The following MCC variants were observed in gnomAD, a reference collection of about 807,000 sequenced individuals.
MCC encodes the protein MCC regulator of Wnt signaling pathway.
A neutral mutation model predicts 116.2 loss-of-function variants in MCC; 90 were observed. That is an observed-to-expected ratio of 0.77 (90% CI 0.65 to 0.92). The LOEUF is 0.92. Ranked by LOEUF, MCC falls within the 40% of genes least tolerant of loss-of-function variation. The pLI is 0.00. For missense variants in MCC, 1,516 were observed against 1,312.2 expected, an observed-to-expected ratio of 1.16 and a Z score of -2.40; for synonymous variants, 578 against 510.5, an observed-to-expected ratio of 1.13 and a Z score of -1.78.
chr5:113,476,740 G>A (rs915624175), intron 1 of MCC, among the ~76,000 whole-genome samples: 9 of 152,284 alleles, frequency 5.9e-5, no homozygotes, highest in East Asian at 3.9e-4. Flanking sequence ...GCCTAGGGCC[G>A]GAGTGGTTAG....
chr5:113,029,233 C>G (rs180999490), intron 17 of MCC, among the ~76,000 whole-genome samples, 177 bp from the exon 18 acceptor site: 5 of 151,958 alleles, frequency 3.3e-5, no homozygotes, highest in Non-Finnish European at 5.9e-5. Flanking sequence ...AATTCATTCT[C>G]AAATGCAGAT....
chr5:113,374,794 T>G (rs749164492), intron 2 of MCC, among the ~76,000 whole-genome samples: 2 of 151,794 alleles, frequency 1.3e-5, no homozygotes, highest in Non-Finnish European at 2.9e-5. Context: ...AGTTCAAGAC[T>G]AGCCTGGGCA....
At chr5:113,371,456 T>C (rs761128238) in intron 2 of MCC, among the ~76,000 whole-genome samples, 1 of 152,140 alleles carries the variant, frequency 6.6e-6, no homozygotes, top group Non-Finnish European at 1.5e-5. Flanking sequence ...GTCAGATAAA[T>C]CAAAGAAAAC....
intron 3 of MCC, among the ~76,000 whole-genome samples, chr5:113,245,806 A>T (rs1425202915): frequency 6.6e-6 from 1 of 152,186 alleles, no homozygotes; most frequent in Non-Finnish European, 1.5e-5. Flanking sequence ...TCATACTGTG[A>T]CAATTTAAAA....
intron 2 of MCC, among the ~76,000 whole-genome samples, chr5:113,354,439 C>CTTT (rs67121130): frequency 0.6 from 86,879 of 145,944 alleles, 27,142 homozygotes; most frequent in African/African-American, 0.79. Context: ...TTTCCTTTTT[C>CTTT]TTTTTTTTTT....
In MCC at chr5:113,037,142, C is replaced by A. The variant is rs144628062; in HGVS notation, c.2756+6388G>T. Among the ~76,000 whole-genome samples, 351 of 152,344 alleles carry A rather than the reference C, an allele frequency of 2.3e-3. 2 individuals are homozygous for A. Among genetic ancestry groups the A allele is most frequent in the African/African-American group, 8.1e-3 (338 of 41,570 alleles). ...GGGCTCCCTTTTAAAAAGCACCCCA[C>A]CCACTTCCCTTTTCATTTTATCCCA... On this transcript the variant is annotated intron_variant, in intron 17 of 18. Transcript: ENST00000408903.
intron 1 of MCC, among the ~76,000 whole-genome samples, chr5:113,417,912 G>A (rs1770202004): frequency 6.7e-6 from 1 of 150,164 alleles, no homozygotes; most frequent in Non-Finnish European, 1.5e-5. Flanking sequence ...CAGCCTGGGT[G>A]ACAGAGTGAG....
At chr5:113,072,003 G>A (rs183135709) in intron 11 of MCC, among the ~76,000 whole-genome samples, 1 of 152,278 alleles carries the variant, frequency 6.6e-6, no homozygotes, top group Admixed American at 6.5e-5. Flanking sequence ...GTAGATTCAG[G>A]GCAAATGAGT....
At chr5:113,339,827 A>G (rs1767967308) in intron 3 of MCC, among the ~76,000 whole-genome samples, 1 of 152,238 alleles carries the variant, frequency 6.6e-6, no homozygotes, top group Admixed American at 6.5e-5. Context: ...TTAGTCTACC[A>G]TTTGAACTTC....
chr5:113,384,045 C>G (rs908032938), intron 2 of MCC, among the ~76,000 whole-genome samples: 3 of 150,762 alleles, frequency 2.0e-5, no homozygotes, highest in African/African-American at 4.9e-5. Flanking sequence ...CAAGGCTACC[C>G]TTTAAGATGT....
intron 3 of MCC, among the ~76,000 whole-genome samples, chr5:113,299,202 C>T (rs769182121): frequency 3.3e-5 from 5 of 150,096 alleles, no homozygotes; most frequent in Admixed American, 6.7e-5. Flanking sequence ...GCAGGAGAAT[C>T]GCTTGAACCT....
At chr5:113,158,789 C>T (rs1244537106) in intron 3 of MCC, among the ~76,000 whole-genome samples, 1 of 152,172 alleles carries the variant, frequency 6.6e-6, no homozygotes, top group African/African-American at 2.4e-5. Context: ...TTACTTTTTC[C>T]AACCTAACAG....
At chr5:113,334,501 C>T (rs879773048) in intron 3 of MCC, among the ~76,000 whole-genome samples, 1 of 151,038 alleles carries the variant, frequency 6.6e-6, no homozygotes, top group Non-Finnish European at 1.5e-5. Flanking sequence ...CCACCATGCC[C>T]GGCTGTATTA....
chr5:113,234,105 GACTA>G (rs1246231299), intron 3 of MCC, among the ~76,000 whole-genome samples: 2 of 152,134 alleles, frequency 1.3e-5, no homozygotes, highest in African/African-American at 2.4e-5. Flanking sequence ...AATATTTGTT[GACTA>G]ACTAAATTTG....
At chr5:113,204,828 G>T (rs913943291) in intron 3 of MCC, among the ~76,000 whole-genome samples, 1 of 152,206 alleles carries the variant, frequency 6.6e-6, no homozygotes, top group Non-Finnish European at 1.5e-5. Context: ...AGGTGGATTA[G>T]TCTGGAAAAC....
chr5:113,427,833 A>T (rs1770525108), intron 1 of MCC, among the ~76,000 whole-genome samples: 1 of 152,224 alleles, frequency 6.6e-6, no homozygotes, highest in Admixed American at 6.5e-5. Context: ...CCAAGTGATG[A>T]GGAACATTCA....
chr5:113,399,345 C>T (rs948271744), intron 1 of MCC, among the ~76,000 whole-genome samples: 2 of 151,986 alleles, frequency 1.3e-5, no homozygotes, highest in African/African-American at 2.4e-5. Context: ...ATTAGCCGGG[C>T]GTGGTGGCAG....
intron 3 of MCC, among the ~76,000 whole-genome samples, chr5:113,156,285 T>G (rs937022308): frequency 6.6e-6 from 1 of 152,258 alleles, no homozygotes; most frequent in Non-Finnish European, 1.5e-5. Context: ...ATCTTATCTA[T>G]GCCACTTGTT....
chr5:113,462,579 G>A (rs969623227), intron 1 of MCC, among the ~76,000 whole-genome samples: 2 of 152,086 alleles, frequency 1.3e-5, no homozygotes, highest in East Asian at 1.9e-4. Context: ...ATCAGATTCC[G>A]ACAATGTGAG....
Sources: gnomAD v4.1 joint callset for allele counts (sites outside exome capture counted in the v4.1 genomes callset) on GRCh38, gnomAD v4.1.1 for gene constraint, MANE v1.5 for transcripts, NCBI Gene and HGNC (gene_info 2026-07-23, HGNC 2026-07-21) for gene names.